The following HCN1 variants were observed in gnomAD, a reference collection of about 807,000 sequenced individuals.
The protein encoded by HCN1 is potassium/sodium hyperpolarization-activated cyclic nucleotide-gated channel 1.
A neutral mutation model predicts 78.9 loss-of-function variants in HCN1; 13 were observed. The ratio of observed to expected loss-of-function variants is 0.16; its 90% CI spans 0.11 to 0.26. The LOEUF is 0.26. Ranked by LOEUF, HCN1 falls within the 10% of genes least tolerant of loss-of-function variation. The probability of loss-of-function intolerance (pLI) is 1.00; values close to 1 mark genes in which losing one functional copy is unlikely to be tolerated. For missense variants in HCN1, 810 were observed against 1,154.3 expected, an observed-to-expected ratio of 0.70 and a Z score of 4.32; for synonymous variants, 552 against 455.5, an observed-to-expected ratio of 1.21 and a Z score of -2.70.
intron 2 of HCN1, among the ~76,000 whole-genome samples, chr5:45,635,016 T>C: frequency 6.6e-6 from 1 of 152,108 alleles, no homozygotes; most frequent in Non-Finnish European, 1.5e-5. Flanking sequence ...TCCTGGATTC[T>C]AAATTTAAAA....
chr5:45,262,057 G>A lies in HCN1; in HGVS notation c.2537C>T (p.Ser846Leu), dbSNP rs1477444033. ...PQRVTLFRQMSSGAIPPNRGV... is the reference protein window; with the variant it reads ...PQRVTLFRQMLSGAIPPNRGV... ...TCGGTTCGGGGGGATGGCTCCCGAC[G>A]ACATCTGTCGGAAGAGGGTGACGCG... The change falls in exon 8 of 8, where the codon TCG becomes TTG. Residue 846 changes from serine to leucine, a missense_variant. Around this residue, in one of 6 missense-constraint regions of HCN1, gnomAD observed 398 missense variants for 381.3 expected, o/e 1.04. Coordinates refer to ENST00000303230, the MANE Select transcript of HCN1 (RefSeq NM_021072.4). 1 of 1,613,756 alleles carries A rather than the reference G, an allele frequency of 6.2e-7. No individual in the cohort carries two copies. The highest frequency in any genetic ancestry group is 1.3e-5 in the African/African-American group (1 of 74,918).
At chr5:45,409,897 A>G (rs1265521325) in intron 3 of HCN1, among the ~76,000 whole-genome samples, 2 of 151,844 alleles carry the variant, frequency 1.3e-5, no homozygotes, top group African/African-American at 2.4e-5. Context: ...CAAATCTAGT[A>G]TGTAAGGAAC....
chr5:45,650,198 T>C (rs1200271222), intron 1 of HCN1, among the ~76,000 whole-genome samples: 1 of 152,226 alleles, frequency 6.6e-6, no homozygotes, highest in South Asian at 2.1e-4. Context: ...ACTTTCATTT[T>C]TTTCTACTAC....
At chr5:45,334,715 C>A (rs1014886195) in intron 5 of HCN1, among the ~76,000 whole-genome samples, 1 of 151,902 alleles carries the variant, frequency 6.6e-6, no homozygotes, top group African/African-American at 2.4e-5. Context: ...ACGCTCTAGG[C>A]CAAAAGAGTG....
intron 2 of HCN1, among the ~76,000 whole-genome samples, chr5:45,491,591 T>C (rs1191012936): frequency 1.3e-5 from 2 of 152,206 alleles, no homozygotes; most frequent in African/African-American, 4.8e-5. Context: ...GTATGCCTCA[T>C]TCATTTGTTT....
chr5:45,658,923 C>G (rs1001668245), intron 1 of HCN1, among the ~76,000 whole-genome samples: 7 of 143,592 alleles, frequency 4.9e-5, no homozygotes, highest in Admixed American at 2.1e-4. Context: ...ACAAAGCAGC[C>G]GGGAAGCTCG....
At chr5:45,615,104 T>C (rs1744917198) in intron 2 of HCN1, among the ~76,000 whole-genome samples, 2 of 152,086 alleles carry the variant, frequency 1.3e-5, no homozygotes, top group South Asian at 4.1e-4. Context: ...TCATTTCCTG[T>C]AACCAGATTT....
intron 5 of HCN1, among the ~76,000 whole-genome samples, chr5:45,339,028 C>T (rs1248090468): frequency 1.3e-5 from 2 of 152,022 alleles, no homozygotes; most frequent in Admixed American, 1.3e-4. Context: ...ATGGAGAAAC[C>T]CTGTTTTCAC....
chr5:45,485,838 T>C (rs1164205006), intron 2 of HCN1, among the ~76,000 whole-genome samples: 2 of 152,132 alleles, frequency 1.3e-5, no homozygotes, highest in Non-Finnish European at 2.9e-5. Context: ...CAACAGATGG[T>C]ATCAGCAATG....
intron 6 of HCN1, among the ~76,000 whole-genome samples, chr5:45,288,596 A>G (rs1745313817): frequency 6.6e-6 from 1 of 152,062 alleles, no homozygotes; most frequent in African/African-American, 2.4e-5. Context: ...GCACACTGCC[A>G]CATCATGCTG....
chr5:45,310,359 T>A (rs1745825768), intron 5 of HCN1, among the ~76,000 whole-genome samples: 2 of 151,668 alleles, frequency 1.3e-5, no homozygotes, highest in South Asian at 4.1e-4. Flanking sequence ...GCAAAGGACA[T>A]GAACAGACAC....
chr5:45,687,512 G>C (rs1414009735), intron 1 of HCN1, among the ~76,000 whole-genome samples: 1 of 151,888 alleles, frequency 6.6e-6, no homozygotes, highest in Non-Finnish European at 1.5e-5. Flanking sequence ...TTTCATCCAA[G>C]AGCTGTTTTT....
intron 1 of HCN1, among the ~76,000 whole-genome samples, chr5:45,688,572 A>G (rs1028751577): frequency 1.6e-4 from 24 of 152,108 alleles, no homozygotes; most frequent in African/African-American, 5.5e-4. Context: ...CTTGGAGAAT[A>G]ATTCTTTGTC....
At chr5:45,691,895 A>C (rs1311101494) in intron 1 of HCN1, among the ~76,000 whole-genome samples, 4 of 152,152 alleles carry the variant, frequency 2.6e-5, no homozygotes, top group African/African-American at 9.7e-5. Flanking sequence ...TCAGGAAGTA[A>C]CTCCCATCTC....
intron 2 of HCN1, among the ~76,000 whole-genome samples, chr5:45,590,007 T>C (rs1016723789): frequency 3.3e-5 from 5 of 152,196 alleles, no homozygotes; most frequent in African/African-American, 1.2e-4. Flanking sequence ...ATTGGATGAC[T>C]ATGATAATTA....
At chr5:45,406,200 T>G (rs1469630376) in intron 3 of HCN1, among the ~76,000 whole-genome samples, 2 of 152,150 alleles carry the variant, frequency 1.3e-5, no homozygotes, top group African/African-American at 2.4e-5. Context: ...GATGTTTCAA[T>G]TACAATTAGC....
At chr5:45,473,956 A>T (rs1404536758) in intron 2 of HCN1, among the ~76,000 whole-genome samples, 1 of 151,908 alleles carries the variant, frequency 6.6e-6, no homozygotes, top group Non-Finnish European at 1.5e-5. Context: ...AATTTATAAT[A>T]TACTCTTTGA....
At position 45,548,778 on chromosome 5, in the gene HCN1, G is replaced by A. The variant is rs1197165714; in HGVS notation, c.850-86771C>T. On this transcript the variant is annotated intron_variant, in intron 2 of 7. Coordinates refer to ENST00000303230, the MANE Select transcript of HCN1 (RefSeq NM_021072.4). Reference sequence around the variant, plus strand: ...TCTCAGCTCAAAATCTCCTTAAGCTGATAGGTAACTTCAGCAAAGTCTCAG... The same window carrying A: ...TCTCAGCTCAAAATCTCCTTAAGCTAATAGGTAACTTCAGCAAAGTCTCAG... Among the ~76,000 whole-genome samples, 5 of 152,140 alleles carry A rather than the reference G, an allele frequency of 3.3e-5. No homozygotes were observed. In the East Asian group the frequency reaches 9.6e-4, roughly 29 times the overall value.
intron 4 of HCN1, among the ~76,000 whole-genome samples, chr5:45,366,104 T>C (rs1240199605): frequency 1.3e-5 from 2 of 151,690 alleles, no homozygotes; most frequent in Non-Finnish European, 2.9e-5. Flanking sequence ...GTTTGGGTGA[T>C]TAAAATGATG....
Sources: gnomAD v4.1 joint callset for allele counts (sites outside exome capture counted in the v4.1 genomes callset) on GRCh38, gnomAD v4.1.1 for gene constraint, gnomAD v4.1.1 regional missense constraint, MANE v1.5 for transcripts, NCBI Gene and HGNC (gene_info 2026-07-23, HGNC 2026-07-21) for gene names.